The following USP32 variants were observed in gnomAD, a reference collection of about 807,000 sequenced individuals.
USP32 encodes the protein ubiquitin carboxyl-terminal hydrolase 32.
A neutral mutation model predicts 204.8 loss-of-function variants in USP32; 59 were observed. The ratio of observed to expected loss-of-function variants is 0.29; its 90% CI spans 0.23 to 0.36. The LOEUF (loss-of-function observed/expected upper bound fraction) is 0.36, where lower values mean the gene tolerates loss of function less well. Ranked by LOEUF, USP32 falls within the 10% of genes least tolerant of loss-of-function variation. USP32 has a pLI of 1.00. For missense variants in USP32, 1,160 were observed against 1,946.4 expected, an observed-to-expected ratio of 0.60 and a Z score of 7.60; for synonymous variants, 517 against 678.4, an observed-to-expected ratio of 0.76 and a Z score of 3.70.
At position 60,306,236 on chromosome 17, in the gene USP32, G is replaced by A. The variant is rs1482531635; in HGVS notation, c.187-4532C>T. Among the ~76,000 whole-genome samples the A allele has an allele frequency of 2.6e-5, 4 of 152,316 alleles. No individual in the cohort carries two copies. The East Asian group carries it at 7.7e-4, about 29-fold the overall frequency. The stretch of plus-strand genomic sequence containing the variant: ...GACGGAGTGTGAATAGGATAGCAAG[G>A]ATGCTGGCAGTCCAGGGTGGTCTTG... On this transcript the variant is annotated intron_variant, in intron 2 of 33. Coordinates refer to ENST00000300896, the MANE Select transcript of USP32 (RefSeq NM_032582.4).
chr17:60,405,156 CTGTT>C (rs1432817024), intron 1 of USP32, among the ~76,000 whole-genome samples: 1 of 152,034 alleles, frequency 6.6e-6, no homozygotes, highest in Non-Finnish European at 1.5e-5. Flanking sequence ...CAGAGCAAAA[CTGTT>C]TCAAAAATAA....
At chr17:60,231,693 CT>C (rs764294511) in intron 12 of USP32, 1 of 441,634 alleles carries the variant, frequency 2.3e-6, no homozygotes, top group Non-Finnish European at 4.7e-6. Context: ...TACGTGATAA[CT>C]AAATAGGAAA....
chr17:60,250,356 T>A (rs941744459), intron 11 of USP32, among the ~76,000 whole-genome samples: 1 of 152,116 alleles, frequency 6.6e-6, no homozygotes, highest in Non-Finnish European at 1.5e-5. Flanking sequence ...TGAGTAGTTG[T>A]AAAATAAGCC....
intron 4 of USP32, among the ~76,000 whole-genome samples, chr17:60,291,468 C>G (rs544904192): frequency 6.6e-6 from 1 of 152,068 alleles, no homozygotes; most frequent in African/African-American, 2.4e-5. Context: ...AAAGCTGAGA[C>G]CCATATCACT....
chr17:60,268,988 T>A (rs1169503029), intron 7 of USP32, among the ~76,000 whole-genome samples: 1 of 152,178 alleles, frequency 6.6e-6, no homozygotes, highest in Non-Finnish European at 1.5e-5. Flanking sequence ...TGCTACAACA[T>A]TTTAGTTAGG....
At chr17:60,186,945 T>C (rs2084266621) in intron 29 of USP32, among the ~76,000 whole-genome samples, 1 of 152,038 alleles carries the variant, frequency 6.6e-6, no homozygotes, top group Admixed American at 6.6e-5. Flanking sequence ...TCATGAGACT[T>C]CACACAGTAT....
intron 27 of USP32, among the ~76,000 whole-genome samples, chr17:60,195,691 CG>C (rs1477518029): frequency 6.6e-6 from 1 of 152,170 alleles, no homozygotes; most frequent in Non-Finnish European, 1.5e-5. Context: ...TGTCGGAATG[CG>C]TATGAACTCA....
intron 11 of USP32, among the ~76,000 whole-genome samples, chr17:60,243,155 CA>C (rs2085923619): frequency 6.6e-6 from 1 of 152,072 alleles, no homozygotes; most frequent in African/African-American, 2.4e-5. Flanking sequence ...ATTGTACTTT[CA>C]AATTATTCTA....
intron 1 of USP32, among the ~76,000 whole-genome samples, chr17:60,352,449 T>C (rs2088971251): frequency 6.6e-6 from 1 of 152,172 alleles, no homozygotes; most frequent in Admixed American, 6.5e-5. Context: ...TTGGATATCC[T>C]ACCTCCAGAT....
At position 60,332,639 on chromosome 17, in the gene USP32, ACT is replaced by A. The variant is rs2088418605; in HGVS notation, c.186+12840_186+12841del. On this transcript the variant is annotated intron_variant, in intron 2 of 33. Coordinates refer to ENST00000300896, the MANE Select transcript of USP32 (RefSeq NM_032582.4). ...CTCCAGCCTGGGCAACAAGAGAGAA[ACT>A]CTGTCTTAAAAAAAAAGTTTACTCT... Among the ~76,000 whole-genome samples the A allele has an allele frequency of 2.6e-5, 4 of 151,972 alleles. No individual in the cohort carries two copies. In the South Asian group the frequency reaches 8.3e-4, roughly 32 times the overall value.
intron 32 of USP32, 60 bp downstream of exon 32, chr17:60,181,264 A>G: frequency 6.5e-7 from 1 of 1,547,118 alleles, no homozygotes; most frequent in Non-Finnish European, 8.7e-7. Context: ...TGATGAATAC[A>G]TGAAGACAAG....
chr17:60,388,094 G>A (rs532577103), intron 1 of USP32, among the ~76,000 whole-genome samples: 1 of 151,794 alleles, frequency 6.6e-6, no homozygotes, highest in Admixed American at 6.6e-5. Context: ...GTAAAAATCT[G>A]CTGAATTAAT....
At chr17:60,353,559 G>A (rs1240239626) in intron 1 of USP32, among the ~76,000 whole-genome samples, 6 of 151,964 alleles carry the variant, frequency 3.9e-5, no homozygotes, top group Non-Finnish European at 8.8e-5. Flanking sequence ...TGGCCAACAC[G>A]GAGAAACACC....
chr17:60,358,644 GA>G, intron 1 of USP32, among the ~76,000 whole-genome samples: 1 of 152,196 alleles, frequency 6.6e-6, no homozygotes, highest in East Asian at 1.9e-4. Context: ...AGACCACTAG[GA>G]AAACAGAAGG....
chr17:60,355,756 C>G (rs184951432), intron 1 of USP32, among the ~76,000 whole-genome samples: 61 of 149,292 alleles, frequency 4.1e-4, no homozygotes, highest in African/African-American at 1.5e-3. Context: ...GGATCACTAG[C>G]GCCTGGGAGG....
intron 1 of USP32, among the ~76,000 whole-genome samples, chr17:60,399,635 C>T (rs1447056343): frequency 6.6e-6 from 1 of 151,998 alleles, no homozygotes; most frequent in East Asian, 1.9e-4. Flanking sequence ...TGCACTCCAG[C>T]CTGGATGACA....
At chr17:60,421,244 T>TACA (rs1232353164) in intron 1 of USP32, 24 of 582,380 alleles carry the variant, frequency 4.1e-5, no homozygotes, top group Non-Finnish European at 5.2e-5. Flanking sequence ...TTCCTCCCCT[T>TACA]ACAACAACAA....
chr17:60,208,577 T>C, intron 23 of USP32, 77 bp downstream of exon 23: 1 of 1,444,254 alleles, frequency 6.9e-7, no homozygotes, highest in Non-Finnish European at 9.1e-7. Flanking sequence ...AACAAATAAC[T>C]ATGCTTACAA....
At chr17:60,379,256 G>T (rs1031292043) in intron 1 of USP32, among the ~76,000 whole-genome samples, 2 of 152,078 alleles carry the variant, frequency 1.3e-5, no homozygotes, top group Admixed American at 1.3e-4. Flanking sequence ...AAGTAGCACT[G>T]GCATAAATTG....
Sources: gnomAD v4.1 joint callset for allele counts (sites outside exome capture counted in the v4.1 genomes callset) on GRCh38, gnomAD v4.1.1 for gene constraint, MANE v1.5 for transcripts, NCBI Gene and HGNC (gene_info 2026-07-23, HGNC 2026-07-21) for gene names.